Variants in NELL1 observed in about 807,000 individuals in gnomAD.
The protein encoded by NELL1 is protein kinase C-binding protein NELL1.
Under a neutral mutation model 107.4 loss-of-function variants are expected in NELL1, and 76 were observed. The observed-to-expected ratio is 0.71, with a 90% CI of 0.59 to 0.86. The LOEUF (loss-of-function observed/expected upper bound fraction) is 0.86, where lower values mean the gene tolerates loss of function less well. Ranked by LOEUF, NELL1 falls within the 40% of genes least tolerant of loss-of-function variation. The probability of loss-of-function intolerance (pLI) is 0.00; values close to 1 mark genes in which losing one functional copy is unlikely to be tolerated. For synonymous variants in NELL1, 353 were observed against 341.2 expected, an observed-to-expected ratio of 1.03 and a Z score of -0.38; for missense variants, 1,024 against 1,005.5, an observed-to-expected ratio of 1.02 and a Z score of -0.25.
chr11:20,823,942 G>T (rs1857816674), intron 3 of NELL1, among the ~76,000 whole-genome samples: 1 of 151,232 alleles, frequency 6.6e-6, no homozygotes, highest in South Asian at 2.1e-4. Context: ...AAGATGGAAG[G>T]GTAATACTCT....
At chr11:21,058,429 C>T (rs1052891685) in intron 12 of NELL1, among the ~76,000 whole-genome samples, 1 of 152,094 alleles carries the variant, frequency 6.6e-6, no homozygotes, top group African/African-American at 2.4e-5. Flanking sequence ...TAAATTAAAT[C>T]GTTGTTCTCC....
chr11:20,744,098 T>C (rs1855949635), intron 2 of NELL1, among the ~76,000 whole-genome samples: 1 of 152,198 alleles, frequency 6.6e-6, no homozygotes, highest in Admixed American at 6.5e-5. Flanking sequence ...ACTGTGTCCA[T>C]AGCCACAATC....
At chr11:20,851,035 G>A (rs1848786195) in intron 4 of NELL1, among the ~76,000 whole-genome samples, 1 of 152,160 alleles carries the variant, frequency 6.6e-6, no homozygotes, top group African/African-American at 2.4e-5. Context: ...TCCATAGTGT[G>A]CTAATGACAT....
intron 1 of NELL1, among the ~76,000 whole-genome samples, chr11:20,670,213 C>G (rs1287691214): frequency 1.3e-5 from 2 of 151,956 alleles, no homozygotes; most frequent in Non-Finnish European, 2.9e-5. Context: ...GCAGAGGGAG[C>G]GCTTCCGGCT....
chr11:21,502,701 T>A (rs1292492285), intron 15 of NELL1, among the ~76,000 whole-genome samples: 3 of 152,188 alleles, frequency 2.0e-5, no homozygotes, highest in African/African-American at 7.2e-5. Flanking sequence ...GGCAAGTAGA[T>A]GTATCACAGT....
intron 14 of NELL1, among the ~76,000 whole-genome samples, chr11:21,345,595 C>T (rs890442242): frequency 2.6e-5 from 4 of 152,170 alleles, no homozygotes; most frequent in African/African-American, 9.7e-5. Context: ...GTCCTAGTAT[C>T]ATCCCAAGAC....
intron 2 of NELL1, among the ~76,000 whole-genome samples, chr11:20,691,872 C>G (rs535210372): frequency 5.7e-4 from 87 of 152,174 alleles, no homozygotes; most frequent in African/African-American, 2.0e-3. Flanking sequence ...CCAGTTCCTC[C>G]TTGTACCTCT....
intron 2 of NELL1, among the ~76,000 whole-genome samples, chr11:20,765,588 G>T (rs1856512625): frequency 6.6e-6 from 1 of 152,140 alleles, no homozygotes; most frequent in South Asian, 2.1e-4. Flanking sequence ...GGTATGGAGT[G>T]GGCGAAAGTG....
chr11:20,979,646 A>G (rs946642662), intron 12 of NELL1, among the ~76,000 whole-genome samples: 2 of 152,156 alleles, frequency 1.3e-5, no homozygotes, highest in Non-Finnish European at 2.9e-5. Flanking sequence ...GAACTCTTAA[A>G]TTCCCCCTTT....
chr11:21,130,020 C>G (rs954474646), intron 13 of NELL1, among the ~76,000 whole-genome samples: 3 of 152,158 alleles, frequency 2.0e-5, no homozygotes, highest in African/African-American at 4.8e-5. Context: ...TGCAGTAGGT[C>G]TAATTTCTTT....
chr11:20,697,648 G>A (rs1854659242), intron 2 of NELL1, among the ~76,000 whole-genome samples: 2 of 152,040 alleles, frequency 1.3e-5, no homozygotes, highest in Non-Finnish European at 2.9e-5. Flanking sequence ...CTACGTTACA[G>A]TTCAGAAGGG....
At chr11:20,806,261 TGTG>T (rs1857382196) in intron 3 of NELL1, among the ~76,000 whole-genome samples, 1 of 144,750 alleles carries the variant, frequency 6.9e-6, no homozygotes, top group African/African-American at 2.5e-5. Flanking sequence ...TTTGTGTGTG[TGTG>T]TGTGTGTGTG....
intron 2 of NELL1, among the ~76,000 whole-genome samples, chr11:20,783,445 T>A (rs993242614): frequency 6.6e-6 from 1 of 152,210 alleles, no homozygotes; most frequent in Admixed American, 6.5e-5. Context: ...GGGATTTGCA[T>A]TGAATGAATG....
intron 3 of NELL1, among the ~76,000 whole-genome samples, chr11:20,800,489 T>G (rs1030045543): frequency 7.6e-6 from 1 of 131,192 alleles, no homozygotes. Flanking sequence ...GCTGCTTGTA[T>G]GTCTTCTTTT....
intron 14 of NELL1, among the ~76,000 whole-genome samples, chr11:21,253,045 G>A (rs1001061535): frequency 1.2e-4 from 18 of 151,980 alleles, no homozygotes; most frequent in African/African-American, 3.1e-4. Flanking sequence ...GTAATCAAAT[G>A]TCTCTGTGGT....
chr11:21,099,635 T>C (rs1021859333), intron 12 of NELL1, among the ~76,000 whole-genome samples: 2 of 152,136 alleles, frequency 1.3e-5, no homozygotes. Flanking sequence ...GCAAGGTATA[T>C]TATGTGCACC....
At chr11:21,143,234 G>T (rs1855906368) in intron 13 of NELL1, among the ~76,000 whole-genome samples, 1 of 152,208 alleles carries the variant, frequency 6.6e-6, no homozygotes. Flanking sequence ...TGGCTAAACT[G>T]TGTGCAGCAG....
intron 15 of NELL1, among the ~76,000 whole-genome samples, chr11:21,513,423 T>A (rs1318880223): frequency 3.9e-5 from 6 of 152,184 alleles, no homozygotes; most frequent in African/African-American, 1.4e-4. Flanking sequence ...ATTGGTGGCT[T>A]GATATCAGAA....
In NELL1 at chr11:20,845,878, CT is replaced by C. The variant is rs763251681; in HGVS notation, c.336-1700del. 2.1e-3 allele frequency among the ~76,000 whole-genome samples: 325 copies of C among 152,164 alleles called. 1 individual carries two copies. The highest frequency in any genetic ancestry group is 3.6e-3 in the Non-Finnish European group (248 of 68,016). ...GACATGGGATATATATTTTAAACCCCTTTTTAGTTTTTCATTATGTGTTCAG... is the reference window on the plus strand; with the variant it reads ...GACATGGGATATATATTTTAAACCCCTTTTAGTTTTTCATTATGTGTTCAG... On this transcript the variant is annotated intron_variant, in intron 3 of 19. Transcript: ENST00000357134.
Sources: gnomAD v4.1 joint callset for allele counts (sites outside exome capture counted in the v4.1 genomes callset) on GRCh38, gnomAD v4.1.1 for gene constraint, MANE v1.5 for transcripts, NCBI Gene and HGNC (gene_info 2026-07-23, HGNC 2026-07-21) for gene names.